The following RAD51B variants were observed in gnomAD, a reference collection of about 807,000 sequenced individuals.
RAD51B encodes the protein RAD51 paralog B.
RAD51B carries 38 observed loss-of-function variants against 42.2 expected under a neutral mutation model. The ratio of observed to expected loss-of-function variants is 0.90; its 90% CI spans 0.70 to 1.18. RAD51B has a LOEUF of 1.18. Among genes scored for constraint, RAD51B ranks in the 50% most tolerant of loss-of-function variants. The pLI, the probability that RAD51B is intolerant of heterozygous loss-of-function variation, is 0.00. For missense variants in RAD51B, 373 were observed against 400.7 expected, an observed-to-expected ratio of 0.93 and a Z score of 0.59; for synonymous variants, 154 against 145.2, an observed-to-expected ratio of 1.06 and a Z score of -0.43.
At chr14:68,562,594 G>A in intron 10 of RAD51B, 1 of 985,432 alleles carries the variant, frequency 1.0e-6, no homozygotes, top group South Asian at 4.7e-5. Flanking sequence ...TAGGAGTAAT[G>A]AGGCAGCAAT....
intron 10 of RAD51B, among the ~76,000 whole-genome samples, chr14:68,558,382 C>A (rs540656411): frequency 1.3e-5 from 2 of 152,368 alleles, no homozygotes; most frequent in East Asian, 3.9e-4. Context: ...TAGGGCTCCC[C>A]TAGCCACGCG....
chr14:68,004,554 C>G (rs1341482744), intron 7 of RAD51B, among the ~76,000 whole-genome samples: 1 of 152,012 alleles, frequency 6.6e-6, no homozygotes, highest in African/African-American at 2.4e-5. Flanking sequence ...ATCCTCCATA[C>G]TTGATGGAGT....
chr14:67,825,621 A>G, intron 3 of RAD51B, 44 bp downstream of exon 3: 1 of 1,425,428 alleles, frequency 7.0e-7, no homozygotes. Context: ...ATGATTCCTC[A>G]TCTCATTAAA....
chr14:68,472,955 T>A (rs2086162353), intron 10 of RAD51B, among the ~76,000 whole-genome samples: 1 of 152,268 alleles, frequency 6.6e-6, no homozygotes. Flanking sequence ...CTCTTCTGTT[T>A]GTTCCCTTGT....
intron 7 of RAD51B, among the ~76,000 whole-genome samples, chr14:67,930,181 A>G (rs1002086806): frequency 3.3e-5 from 5 of 152,214 alleles, no homozygotes; most frequent in Non-Finnish European, 5.9e-5. Context: ...AATTTAATCC[A>G]TTAATATTCA....
chr14:68,181,773 G>C (rs79866602), intron 7 of RAD51B, among the ~76,000 whole-genome samples: 1 of 152,160 alleles, frequency 6.6e-6, no homozygotes, highest in Non-Finnish European at 1.5e-5. Context: ...AAAGGTGGGG[G>C]TTTGGAGGAG....
chr14:68,573,527 C>A (rs1164364678), intron 10 of RAD51B, among the ~76,000 whole-genome samples: 1 of 152,190 alleles, frequency 6.6e-6, no homozygotes, highest in Non-Finnish European at 1.5e-5. Context: ...CAAAGTCTTC[C>A]TATCCCCCTT....
intron 3 of RAD51B, among the ~76,000 whole-genome samples, chr14:67,827,821 A>G (rs2040885193): frequency 6.6e-6 from 1 of 152,130 alleles, no homozygotes; most frequent in Non-Finnish European, 1.5e-5. Flanking sequence ...ACATAATCTC[A>G]TTCCTTTTTA....
At chr14:67,860,743 CAG>C (rs1473237545) in intron 4 of RAD51B, among the ~76,000 whole-genome samples, 2 of 152,012 alleles carry the variant, frequency 1.3e-5, no homozygotes, top group East Asian at 3.9e-4. Context: ...ATTTTAAATG[CAG>C]AGTCTAAGTG....
At chr14:68,582,030 T>G (rs143523124) in intron 10 of RAD51B, among the ~76,000 whole-genome samples, 1 of 152,132 alleles carries the variant, frequency 6.6e-6, no homozygotes, top group Non-Finnish European at 1.5e-5. Context: ...AAGACTTAAA[T>G]GTAACATCTA....
At chr14:68,334,914 T>A (rs202239275) in intron 8 of RAD51B, among the ~76,000 whole-genome samples, 3 of 113,158 alleles carry the variant, frequency 2.7e-5, no homozygotes, top group South Asian at 2.9e-4. Flanking sequence ...TAGATATATT[T>A]TATGATATAT....
At chr14:67,947,827 A>G (rs2045447661) in intron 7 of RAD51B, among the ~76,000 whole-genome samples, 1 of 152,208 alleles carries the variant, frequency 6.6e-6, no homozygotes, top group Non-Finnish European at 1.5e-5. Context: ...ATATATTATA[A>G]TGGAAAAATC....
chr14:68,590,449 C>G (rs1890688038), intron 10 of RAD51B, among the ~76,000 whole-genome samples: 1 of 152,344 alleles, frequency 6.6e-6, no homozygotes, highest in South Asian at 2.1e-4. Flanking sequence ...CAGTCACCTC[C>G]CCCGCAGCGT....
intron 7 of RAD51B, among the ~76,000 whole-genome samples, chr14:68,040,628 G>A (rs2076203756): frequency 1.3e-5 from 2 of 152,210 alleles, no homozygotes; most frequent in Middle Eastern, 3.2e-3. Context: ...TCACATCAAT[G>A]TGATAAGCGT....
At chr14:68,638,051 G>A (rs1157997064) in intron 10 of RAD51B, among the ~76,000 whole-genome samples, 3 of 152,254 alleles carry the variant, frequency 2.0e-5, no homozygotes, top group Non-Finnish European at 2.9e-5. Flanking sequence ...GTTTGCAGAG[G>A]TAAGAGGCCT....
At chr14:68,244,560 C>A (rs1442621514) in intron 7 of RAD51B, among the ~76,000 whole-genome samples, 1 of 152,132 alleles carries the variant, frequency 6.6e-6, no homozygotes, top group African/African-American at 2.4e-5. Flanking sequence ...CTTTTTGAAG[C>A]CATTGTATTG....
chr14:68,201,348 C>T (rs2079481903), intron 7 of RAD51B, among the ~76,000 whole-genome samples: 1 of 152,192 alleles, frequency 6.6e-6, no homozygotes. Flanking sequence ...AGTTTTGAAT[C>T]TTAGTGATAT....
chr14:68,180,703 C>G (rs17105099), intron 7 of RAD51B, among the ~76,000 whole-genome samples: 2,199 of 152,224 alleles, frequency 0.014, 62 homozygotes, highest in African/African-American at 0.051. Context: ...CTCTAAGTAG[C>G]TGGGAATGGA....
chr14:67,839,933 T>A (rs2041369488), intron 4 of RAD51B, among the ~76,000 whole-genome samples: 1 of 152,122 alleles, frequency 6.6e-6, no homozygotes, highest in Non-Finnish European at 1.5e-5. Context: ...TTTGGAATTT[T>A]AAAATATCTA....
Sources: gnomAD v4.1 joint callset for allele counts (sites outside exome capture counted in the v4.1 genomes callset) on GRCh38, gnomAD v4.1.1 for gene constraint, MANE v1.5 for transcripts, NCBI Gene and HGNC (gene_info 2026-07-23, HGNC 2026-07-21) for gene names.